The following MYOC variants were observed in gnomAD, a reference collection of about 807,000 sequenced individuals.
MYOC encodes the protein juvenile-onset open-angle glaucoma 1.
MYOC carries 29 observed loss-of-function variants against 28.2 expected under a neutral mutation model. The observed-to-expected ratio is 1.03, with a 90% CI of 0.77 to 1.40. MYOC has a LOEUF of 1.40. MYOC is among the 40% of genes most tolerant of loss of function. The pLI, the probability that MYOC is intolerant of heterozygous loss-of-function variation, is 0.00. For synonymous variants in MYOC, 240 were observed against 245.6 expected (o/e 0.98, Z 0.21); for missense variants, 569 against 620.6 (o/e 0.92, Z 0.88).
Position 171,635,839 on chromosome 1 carries a change from T to TGGCG in MYOC, c.*85_*86insCGCC. On this transcript the variant is annotated 3_prime_UTR_variant, in exon 3 of 3. Coordinates refer to ENST00000037502, the MANE Select transcript of MYOC (RefSeq NM_000261.2). ...AAAGCAGTCAAAGCTGCCTGGGCCC[T>TGGCG]GGCTGGCTGGCTCTCCCTTCAGCCT... 1 of 1,453,344 alleles carries TGGCG rather than the reference T, an allele frequency of 6.9e-7. No individual in the cohort carries two copies. Among genetic ancestry groups the TGGCG allele is most frequent in the Non-Finnish European group, 9.5e-7 (1 of 1,051,456 alleles). The allele number at this position is 1,453,344 out of a possible 1,614,324, so 90.0% of individuals were successfully genotyped here. A position where few individuals can be genotyped will look rare whatever the true frequency, so the allele number is the denominator to read the frequency against.
Position 171,636,374 on chromosome 1 carries a change from C to T in MYOC, c.1066G>A (p.Ala356Thr). ...RYELNTETVKAEKEIPGAGYH... is the reference protein window; with the variant it reads ...RYELNTETVKTEKEIPGAGYH... ...CCAGCTCCAGGGATTTCCTTCTCAGCCTTCACTGTCTCGGTATTCAGCTCA... is the reference window on the plus strand; with the variant it reads ...CCAGCTCCAGGGATTTCCTTCTCAGTCTTCACTGTCTCGGTATTCAGCTCA... The change falls in exon 3 of 3, where the codon GCT (alanine) becomes ACT (threonine). Residue 356 changes from alanine to threonine, a missense_variant. By Grantham distance (58) the Ala-to-Thr change is moderately conservative. Coordinates refer to ENST00000037502, the MANE Select transcript of MYOC (RefSeq NM_000261.2). The T allele has an allele frequency of 6.2e-7, 1 of 1,614,116 alleles. No homozygotes were observed. The highest frequency in any genetic ancestry group is 8.5e-7 in the Non-Finnish European group (1 of 1,180,030).
chr1:171,652,113 C>T lies in MYOC; in HGVS notation c.499G>A (p.Ala167Thr). The T allele has an allele frequency of 6.2e-7, 1 of 1,614,202 alleles. No individual in the cohort carries two copies. The highest frequency in any genetic ancestry group is 8.5e-7 in the Non-Finnish European group (1 of 1,180,030). ...TGGCTGCTGCTTTCCAACCTCCTGG[C>T]CAGATTCTCATTTTCTTGCCTTAGT... ...KRLRQENENL[A>T]RRLESSSQEV... The change falls in exon 1 of 3, where the codon GCC (alanine) becomes ACC (threonine). Residue 167 changes from alanine (A) to threonine (T), a missense_variant. Coordinates refer to ENST00000037502, the MANE Select transcript of MYOC (RefSeq NM_000261.2).
chr1:171,636,576 G>T lies in MYOC; in HGVS notation c.864C>A (p.Ile288=). The change falls in exon 3 of 3, where the codon ATC becomes ATA. Residue 288 remains isoleucine (I), a synonymous_variant. Coordinates refer to ENST00000037502, the MANE Select transcript of MYOC (RefSeq NM_000261.2). ...YPYTQETTWR[I]DTVGTDVRQV... is the part of the protein sequence containing the mutation. ...GGCGGACATCCGTGCCAACTGTGTC[G>T]ATTCTCCACGTGGTCTCCTGGGTGT... 3.1e-6 allele frequency: 5 copies of T among 1,610,780 alleles called. No individual in the cohort carries two copies. Among genetic ancestry groups the T allele is most frequent in the Non-Finnish European group, 4.2e-6 (5 of 1,177,774 alleles).
intron 1 of MYOC, among the ~76,000 whole-genome samples, chr1:171,644,982 G>C (rs552871174): frequency 2.0e-5 from 3 of 152,154 alleles, no homozygotes; most frequent in African/African-American, 7.2e-5. Context: ...TCCATCCTGT[G>C]CTGAGGAGGT....
At chr1:171,645,534 G>A (rs1019061960) in intron 1 of MYOC, among the ~76,000 whole-genome samples, 1 of 152,184 alleles carries the variant, frequency 6.6e-6, no homozygotes, top group Admixed American at 6.5e-5. Flanking sequence ...AGGTGCCTAT[G>A]GAGTTCACGT....
At chr1:171,646,501 GT>G (rs370758061) in intron 1 of MYOC, among the ~76,000 whole-genome samples, 14,535 of 129,598 alleles carry the variant, frequency 0.11, 563 homozygotes, top group East Asian at 0.2. Context: ...TTTTTTTTTT[GT>G]TTTTTTTTTT....
chr1:171,644,116 G>T (rs897473734), intron 1 of MYOC, among the ~76,000 whole-genome samples: 3 of 152,028 alleles, frequency 2.0e-5, no homozygotes, highest in African/African-American at 7.2e-5. Context: ...TGCCATGGGA[G>T]GGTCCCTTAA....
chr1:171,637,282 A>T lies in MYOC; in HGVS notation c.731-573T>A, dbSNP rs189733701. On this transcript the variant is annotated intron_variant, in intron 2 of 2. Coordinates refer to ENST00000037502, the MANE Select transcript of MYOC (RefSeq NM_000261.2). ...TATAAGGTAGGAGAGAGAAAAATCA[A>T]CTCATAAGAATAATCTCCATACAAC... Among the ~76,000 whole-genome samples the T allele has an allele frequency of 1.8e-3, 269 of 152,322 alleles. 1 individual carries two copies. Among genetic ancestry groups the T allele is most frequent in the Non-Finnish European group, 3.0e-3 (207 of 68,034 alleles).
Position 171,652,178 on chromosome 1 carries a change from A to AG in MYOC, c.433dup (p.Leu145ProfsTer20). 3.7e-6 allele frequency: 6 copies of AG among 1,613,752 alleles called. No homozygotes were observed. The highest frequency in any genetic ancestry group is 5.1e-6 in the Non-Finnish European group (6 of 1,179,934). On this transcript the variant is annotated frameshift_variant, in exon 1 of 3. Coordinates refer to ENST00000037502, the MANE Select transcript of MYOC (RefSeq NM_000261.2). LOFTEE classifies it high-confidence loss of function. ...CTCCAGAACTGACTTGTCTCGGAGG[A>AG]GGTTGCTGTAGGCAGTCTCCAACTC...
chr1:171,640,748 A>C (rs1467636202), intron 1 of MYOC, among the ~76,000 whole-genome samples: 3 of 152,164 alleles, frequency 2.0e-5, no homozygotes, highest in Non-Finnish European at 4.4e-5. Context: ...CCAACCTCCC[A>C]AAAAACCCAT....
intron 1 of MYOC, among the ~76,000 whole-genome samples, chr1:171,650,733 A>G (rs1653333592): frequency 6.6e-6 from 1 of 152,236 alleles, no homozygotes; most frequent in Non-Finnish European, 1.5e-5. Flanking sequence ...AAAGAATAGT[A>G]CAATAAGCTC....
intron 1 of MYOC, 181 bp from the exon 2 acceptor site, chr1:171,638,903 G>C (rs1652998571): frequency 1.8e-6 from 1 of 550,614 alleles, no homozygotes; most frequent in African/African-American, 1.9e-5. Flanking sequence ...AGACCAGCCT[G>C]GCCAACATGG....
chr1:171,650,392 T>A (rs1331315793), intron 1 of MYOC, among the ~76,000 whole-genome samples: 3 of 152,204 alleles, frequency 2.0e-5, no homozygotes, highest in African/African-American at 7.2e-5. Context: ...CCCCTTAGCA[T>A]CTTAGGACTT....
At chr1:171,647,495 G>A (rs563181879) in intron 1 of MYOC, among the ~76,000 whole-genome samples, 1 of 152,310 alleles carries the variant, frequency 6.6e-6, no homozygotes, top group African/African-American at 2.4e-5. Flanking sequence ...CTGCACTCCA[G>A]CCTGGTGATA....
chr1:171,641,821 C>T (rs1653082038), intron 1 of MYOC, among the ~76,000 whole-genome samples: 1 of 152,082 alleles, frequency 6.6e-6, no homozygotes, highest in African/African-American at 2.4e-5. Context: ...GGCCGGAGCG[C>T]CTACACAGCC....
At chr1:171,639,946 G>GGA (rs1448617483) in intron 1 of MYOC, among the ~76,000 whole-genome samples, 1 of 46,980 alleles carries the variant, frequency 2.1e-5, no homozygotes, top group African/African-American at 9.4e-5. Context: ...TCTGTCTCAA[G>GGA]AAAAAAAAAA....
At chr1:171,643,263 G>C (rs1474220541) in intron 1 of MYOC, 1 of 152,336 alleles carries the variant, frequency 6.6e-6, no homozygotes, top group Non-Finnish European at 1.5e-5. Context: ...CTCCGGCAGG[G>C]ACTTGGTGCT....
chr1:171,635,710 G>C lies in MYOC; in HGVS notation c.*215C>G. 1.7e-6 allele frequency: 1 copy of C among 597,916 alleles called. No individual in the cohort carries two copies. The highest frequency in any genetic ancestry group is 2.0e-5 in the South Asian group (1 of 49,372). 37.0% of individuals were successfully genotyped at this position (597,916 alleles called of 1,614,324 possible). ...AAACATCCCATAAATGCTGACAGAA[G>C]ATAAAGGATATTTATTATATGAAAT... On this transcript the variant is annotated 3_prime_UTR_variant, in exon 3 of 3. Coordinates refer to ENST00000037502, the MANE Select transcript of MYOC (RefSeq NM_000261.2).
Position 171,635,613 on chromosome 1 carries a change from G to T in MYOC, c.*312C>A, listed in dbSNP as rs1652899895. The T allele has an allele frequency of 8.5e-6, 4 of 469,336 alleles. No homozygotes were observed. Among genetic ancestry groups the T allele is most frequent in the Non-Finnish European group, 7.8e-6 (2 of 256,448 alleles). 29.1% of individuals were successfully genotyped at this position (469,336 alleles called of 1,614,324 possible). A position where few individuals can be genotyped will look rare whatever the true frequency, so the allele number is the denominator to read the frequency against. ...TAACCATGTAACATGCAAGAGCAAT[G>T]GTTTTCAGGAAGAAACTATTATGCC... On this transcript the variant is annotated 3_prime_UTR_variant, in exon 3 of 3. Transcript: ENST00000037502.
Sources: gnomAD v4.1 joint callset for allele counts (sites outside exome capture counted in the v4.1 genomes callset) on GRCh38, gnomAD v4.1.1 for gene constraint, MANE v1.5 for transcripts, NCBI Gene and HGNC (gene_info 2026-07-23, HGNC 2026-07-21) for gene names.